Variants in WARS1 observed in about 807,000 individuals in gnomAD.
The protein encoded by WARS1 is tryptophanyl-tRNA synthetase 1.
Under a neutral mutation model 47.8 loss-of-function variants are expected in WARS1, and 17 were observed. The ratio of observed to expected loss-of-function variants is 0.36; its 90% confidence interval spans 0.24 to 0.53. WARS1 has a LOEUF of 0.53. WARS1 is among the 20% of genes least tolerant of loss of function. WARS1 has a pLI of 0.91. For missense variants in WARS1, 434 were observed against 608.0 expected, an observed-to-expected ratio of 0.71 and a Z score of 3.01; for synonymous variants, 208 against 228.1, an observed-to-expected ratio of 0.91 and a Z score of 0.79.
chr14:100,345,635 G>A (rs1213927518), intron 7 of WARS1, among the ~76,000 whole-genome samples: 1 of 148,602 alleles, frequency 6.7e-6, no homozygotes, highest in Non-Finnish European at 1.5e-5. Flanking sequence ...CCCCCTCTGC[G>A]AGAAACACCC....
At chr14:100,374,615 A>T (rs919321785) in intron 1 of WARS1, among the ~76,000 whole-genome samples, 1 of 152,206 alleles carries the variant, frequency 6.6e-6, no homozygotes, top group African/African-American at 2.4e-5. Flanking sequence ...AGATCAGGGC[A>T]CGCTGATTCT....
chr14:100,374,997 A>G (rs1896567381), intron 1 of WARS1: 2 of 152,228 alleles, frequency 1.3e-5, no homozygotes, highest in Admixed American at 6.5e-5. Context: ...AAGAATGACA[A>G]TACGTTCTGA....
intron 6 of WARS1, among the ~76,000 whole-genome samples, chr14:100,350,092 A>G (rs1894869343): frequency 6.6e-6 from 1 of 152,120 alleles, no homozygotes; most frequent in Non-Finnish European, 1.5e-5. Flanking sequence ...TCTTTACCCC[A>G]TGTTTGTAAG....
At chr14:100,367,506 T>C (rs566492495) in intron 2 of WARS1, among the ~76,000 whole-genome samples, 9 of 143,098 alleles carry the variant, frequency 6.3e-5, no homozygotes, top group South Asian at 4.3e-4. Flanking sequence ...GAGAACTGCT[T>C]GAACCCAGGA....
chr14:100,362,346 T>C (rs59084547), intron 2 of WARS1, among the ~76,000 whole-genome samples: 4,952 of 152,274 alleles, frequency 0.033, 112 homozygotes, highest in East Asian at 0.078. Context: ...AACTAGTTTT[T>C]ACATACCACA....
In WARS1 at chr14:100,345,321, G is replaced by A. The variant is rs573285575; in HGVS notation, c.826+1425C>T. Among the ~76,000 whole-genome samples, 6 of 152,254 alleles carry A rather than the reference G, an allele frequency of 3.9e-5. No homozygotes were observed. In the East Asian group the frequency reaches 5.8e-4, roughly 15 times the overall value. On this transcript the variant is annotated intron_variant, in intron 7 of 10. Coordinates refer to ENST00000392882, the MANE Select transcript of WARS1 (RefSeq NM_004184.4). ...CATGGGAGACTTTTCATTTTGCTCTGTACTAAGAAAAATTCTTATCCTGTT... is the reference window on the plus strand; with the variant it reads ...CATGGGAGACTTTTCATTTTGCTCTATACTAAGAAAAATTCTTATCCTGTT...
At chr14:100,354,059 T>G in intron 5 of WARS1, 190 bp from the exon 6 acceptor site, 3 of 598,600 alleles carry the variant, frequency 5.0e-6, no homozygotes, top group Non-Finnish European at 8.8e-6. Context: ...ATCGACCAGG[T>G]GGCCCTGTGT....
intron 9 of WARS1, among the ~76,000 whole-genome samples, chr14:100,341,396 G>C (rs1894154446): frequency 6.6e-6 from 1 of 152,170 alleles, no homozygotes; most frequent in Non-Finnish European, 1.5e-5. Context: ...TGGAGGGCAT[G>C]TCTTAGGAAG....
intron 2 of WARS1, among the ~76,000 whole-genome samples, chr14:100,363,486 A>G (rs1024479243): frequency 7.2e-5 from 11 of 152,100 alleles, no homozygotes; most frequent in Non-Finnish European, 1.3e-4. Flanking sequence ...GCCTGAGCTC[A>G]TAAGTTCGAG....
chr14:100,334,285 G>C lies in WARS1; in HGVS notation c.*590C>G, dbSNP rs565245012. 1 of 152,704 alleles carries C rather than the reference G, an allele frequency of 6.5e-6. No homozygotes were observed. The highest frequency in any genetic ancestry group is 2.4e-5 in the African/African-American group (1 of 41,554). The allele number at this position is 152,704 out of a possible 1,614,324, so 9.5% of individuals were successfully genotyped here. ...AATTTAATCAAAATTGCTGAACTCT[G>C]TTCAATCTTCATTGTTAAAAGCAGC... On this transcript the variant is annotated 3_prime_UTR_variant, in exon 11 of 11. Coordinates refer to ENST00000392882, the MANE Select transcript of WARS1 (RefSeq NM_004184.4).
chr14:100,365,122 A>AACACACACAC (rs1895877657), intron 2 of WARS1, among the ~76,000 whole-genome samples: 1 of 72,604 alleles, frequency 1.4e-5, no homozygotes, highest in Non-Finnish European at 3.0e-5. Context: ...TGTCTCAAAA[A>AACACACACAC]ATACACACAC....
chr14:100,371,670 G>A (rs10149239), intron 1 of WARS1, among the ~76,000 whole-genome samples: 104,706 of 151,692 alleles, frequency 0.69, 37,325 homozygotes, highest in Admixed American at 0.81. Context: ...GGGAGGCAGA[G>A]GTTGCAGTGA....
intron 7 of WARS1, 109 bp from the exon 8 acceptor site, chr14:100,343,496 A>G: frequency 1.4e-6 from 1 of 728,896 alleles, no homozygotes; most frequent in Non-Finnish European, 2.2e-6. Flanking sequence ...CAATCATTAA[A>G]ATAAATCTAA....
Position 100,353,740 on chromosome 14 carries a change from G to A in WARS1, c.672C>T (p.Ala224=). The stretch of plus-strand genomic sequence containing the variant: ...AAGTCTTGTTGATGTCAAAGCCACA[G>A]GCGATGATGTCCTTGGCATTCTCCA... ...YAVENAKDII[A]CGFDINKTFI... Residue 224 remains alanine, a synonymous_variant, in exon 6 of 11, where the codon GCC becomes GCT. Coordinates refer to ENST00000392882, the MANE Select transcript of WARS1 (RefSeq NM_004184.4). The A allele has an allele frequency of 6.2e-7, 1 of 1,614,218 alleles. No individual in the cohort carries two copies. The highest frequency in any genetic ancestry group is 8.5e-7 in the Non-Finnish European group (1 of 1,180,046).
chr14:100,353,738 C>G lies in WARS1; in HGVS notation c.674G>C (p.Cys225Ser). 6.2e-7 allele frequency: 1 copy of G among 1,614,220 alleles called. No individual in the cohort carries two copies. Among genetic ancestry groups the G allele is most frequent in the Non-Finnish European group, 8.5e-7 (1 of 1,180,040 alleles). ...AVENAKDIIA[C>S]GFDINKTFIF... ...GAAAGTCTTGTTGATGTCAAAGCCA[C>G]AGGCGATGATGTCCTTGGCATTCTC... The change falls in exon 6 of 11, where the codon TGT becomes TCT. Residue 225 changes from cysteine (C) to serine (S), a missense_variant. This residue lies in a region of WARS1 where 347 missense variants were observed against 523.8 expected (regional missense o/e 0.66). Coordinates refer to ENST00000392882, the MANE Select transcript of WARS1 (RefSeq NM_004184.4).
At chr14:100,366,540 AG>A in intron 2 of WARS1, 1 of 541,138 alleles carries the variant, frequency 1.8e-6, no homozygotes, top group East Asian at 3.5e-5. Context: ...GAGGTTATAA[AG>A]GATGTAGAGG....
chr14:100,351,828 C>A (rs1895001368), intron 6 of WARS1, among the ~76,000 whole-genome samples: 1 of 151,926 alleles, frequency 6.6e-6, no homozygotes, highest in Non-Finnish European at 1.5e-5. Context: ...CCCGTCTCTA[C>A]TAAAAATACA....
chr14:100,339,411 G>T (rs1334145047), intron 9 of WARS1, among the ~76,000 whole-genome samples: 1 of 152,010 alleles, frequency 6.6e-6, no homozygotes, highest in Non-Finnish European at 1.5e-5. Context: ...CTAACACGGT[G>T]AAACCCCGTC....
intron 7 of WARS1, among the ~76,000 whole-genome samples, chr14:100,344,336 C>T (rs1296463807): frequency 6.6e-6 from 1 of 152,228 alleles, no homozygotes; most frequent in South Asian, 2.1e-4. Flanking sequence ...CAGCCAGCCT[C>T]GGCCTCCTGA....
Sources: gnomAD v4.1 joint callset for allele counts (sites outside exome capture counted in the v4.1 genomes callset) on GRCh38, gnomAD v4.1.1 for gene constraint, gnomAD v4.1.1 regional missense constraint, MANE v1.5 for transcripts, NCBI Gene and HGNC (gene_info 2026-07-23, HGNC 2026-07-21) for gene names.